The following RPL17 variants were observed in gnomAD, a reference collection of about 807,000 sequenced individuals.
The protein encoded by RPL17 is large ribosomal subunit protein uL22.
Under a neutral mutation model 27.7 loss-of-function variants are expected in RPL17, and 2 were observed. The ratio of observed to expected loss-of-function variants is 0.07; its 90% CI spans 0.03 to 0.23. RPL17 has a LOEUF of 0.23. Among genes scored for constraint, RPL17 ranks in the 10% least tolerant of loss-of-function variants. The pLI, the probability that RPL17 is intolerant of heterozygous loss-of-function variation, is 1.00. For synonymous variants in RPL17, 76 were observed against 75.5 expected (o/e 1.01, Z -0.03); for missense variants, 141 against 238.8 (o/e 0.59, Z 2.70).
chr18:49,492,154 T>A (rs1568505544), intron 1 of RPL17: 1 of 159,458 alleles, frequency 6.3e-6, no homozygotes, highest in Non-Finnish European at 1.4e-5. Context: ...ACCTCCGGAG[T>A]CCGCACGGAC....
At chr18:49,490,655 T>G in intron 4 of RPL17, 103 bp from the exon 5 acceptor site, 1 of 1,590,668 alleles carries the variant, frequency 6.3e-7, no homozygotes, top group Admixed American at 1.7e-5. Flanking sequence ...TATGGTTTAT[T>G]TCACCATCAA....
chr18:49,490,645 T>G, intron 4 of RPL17, 93 bp from the exon 5 acceptor site: 1 of 1,595,352 alleles, frequency 6.3e-7, no homozygotes, highest in South Asian at 1.1e-5. Context: ...TTTCTTAGGA[T>G]ATGGTTTATT....
At chr18:49,488,700 A>G in intron 6 of RPL17, 134 bp from the exon 7 acceptor site, 1 of 638,164 alleles carries the variant, frequency 1.6e-6, no homozygotes, top group Non-Finnish European at 2.9e-6. Flanking sequence ...GTAGAAATCA[A>G]CAGAACTTAA....
Position 49,491,556 on chromosome 18 carries a change from G to T in RPL17, c.16C>A (p.Leu6Ile). Reference sequence around the variant, plus strand: ...CATTTCGTGGGGTTCTCCGGGTCAAGTGAATAGCGAACCATTTTCACAGAT... The same window carrying T: ...CATTTCGTGGGGTTCTCCGGGTCAATTGAATAGCGAACCATTTTCACAGAT... Reference protein sequence around the residue: MVRYSLDPENPTKSCK... With the variant: MVRYSIDPENPTKSCK... The change falls in exon 2 of 7, where the codon CTT becomes ATT. Residue 6 changes from leucine to isoleucine, a missense_variant. This residue lies in a region of RPL17 where 107 missense variants were observed against 150.1 expected (regional missense o/e 0.71). Coordinates refer to ENST00000580261, the MANE Select transcript of RPL17 (RefSeq NM_001035006.5). 6.2e-7 allele frequency: 1 copy of T among 1,614,218 alleles called. No individual in the cohort carries two copies.
intron 5 of RPL17, among the ~76,000 whole-genome samples, chr18:49,489,964 A>T (rs1742170848): frequency 6.6e-6 from 1 of 152,232 alleles, no homozygotes; most frequent in African/African-American, 2.4e-5. Context: ...TGGGTAATAT[A>T]CAAAATGGAG....
At chr18:49,491,654 G>A (rs1490745759) in intron 1 of RPL17, 70 bp from the exon 2 acceptor site, 1 of 1,546,032 alleles carries the variant, frequency 6.5e-7, no homozygotes, top group Non-Finnish European at 8.9e-7. Flanking sequence ...AATATCAGAT[G>A]ATTCGAACAG....
chr18:49,489,600 A>C (rs924219133), intron 5 of RPL17, 50 bp from the exon 6 acceptor site: 3 of 1,556,758 alleles, frequency 1.9e-6, no homozygotes, highest in Admixed American at 1.7e-5. Context: ...TTAATTAGTA[A>C]AACACCACAA....
intron 5 of RPL17, among the ~76,000 whole-genome samples, chr18:49,489,829 G>T (rs1359519365): frequency 6.6e-6 from 1 of 152,128 alleles, no homozygotes; most frequent in East Asian, 1.9e-4. Context: ...AGAGCTGAGG[G>T]GTAAGGAAGA....
intron 3 of RPL17, chr18:49,491,182 G>A (rs1568503731): frequency 1.1e-6 from 1 of 909,282 alleles, no homozygotes; most frequent in Admixed American, 1.8e-5. Flanking sequence ...GCCCCATCTT[G>A]ATCTGCACAC....
Position 49,490,607 on chromosome 18 carries a change from G to A in RPL17, c.217-55C>T, listed in dbSNP as rs143415144. The A allele has an allele frequency of 3.3e-4, 533 of 1,609,580 alleles. 2 individuals are homozygous for A. The African/African-American group carries it at 6.2e-3, about 19-fold the overall frequency. Reference sequence around the variant, plus strand: ...TTCCTTGATTTAAATTAACATTACAGCCAAGATGAATTTATCTGATATCAC... The same window carrying A: ...TTCCTTGATTTAAATTAACATTACAACCAAGATGAATTTATCTGATATCAC... On this transcript the variant is annotated intron_variant, in intron 4 of 6. Coordinates refer to ENST00000580261, the MANE Select transcript of RPL17 (RefSeq NM_001035006.5).
intron 5 of RPL17, chr18:49,490,133 C>A: frequency 3.5e-6 from 1 of 282,492 alleles, no homozygotes; most frequent in Non-Finnish European, 6.7e-6. Context: ...AATCATACTA[C>A]CAAAGGTGTA....
At chr18:49,492,057 TGTA>T (rs2084147803) in intron 1 of RPL17, 1 of 258,754 alleles carries the variant, frequency 3.9e-6, no homozygotes, top group Middle Eastern at 1.5e-3. Flanking sequence ...GCAACACTCT[TGTA>T]GTAACGTGTT....
At chr18:49,491,036 C>T (rs570430539) in intron 3 of RPL17, 109 bp from the exon 4 acceptor site, 1 of 1,538,456 alleles carries the variant, frequency 6.5e-7, no homozygotes, top group Admixed American at 1.9e-5. Flanking sequence ...TATTTCTATT[C>T]TTTGGGGGCA....
chr18:49,490,723 C>T (rs2084007291), intron 4 of RPL17, 70 bp downstream of exon 4: 1 of 1,607,818 alleles, frequency 6.2e-7, no homozygotes, highest in Non-Finnish European at 8.5e-7. Context: ...CAGATCTTAG[C>T]CATTCTTATC....
At chr18:49,490,169 T>A in intron 5 of RPL17, 1 of 347,448 alleles carries the variant, frequency 2.9e-6, no homozygotes, top group Non-Finnish European at 5.3e-6. Context: ...TAAAAGCCCC[T>A]GGTAAAGTAC....
chr18:49,488,921 C>T (rs1278790565), intron 6 of RPL17, among the ~76,000 whole-genome samples: 1 of 148,356 alleles, frequency 6.7e-6, no homozygotes, highest in Non-Finnish European at 1.5e-5. Context: ...TTTTTTGAGA[C>T]AGCGTCTCGC....
chr18:49,491,391 T>C lies in RPL17; in HGVS notation c.81+14A>G. 1 of 1,614,214 alleles carries C rather than the reference T, an allele frequency of 6.2e-7. No individual in the cohort carries two copies. The highest frequency in any genetic ancestry group is 8.5e-7 in the Non-Finnish European group (1 of 1,180,044). On this transcript the variant is annotated intron_variant, in intron 3 of 6. Coordinates refer to ENST00000580261, the MANE Select transcript of RPL17 (RefSeq NM_001035006.5). The stretch of plus-strand genomic sequence containing the variant: ...ACATGAGGAACTGTTGGATCACAAC[T>C]ATGAATCGCATACCTTAAAGTGAAC...
chr18:49,492,292 G>A (rs1352463269), intron 1 of RPL17, 166 bp downstream of exon 1: 4 of 152,758 alleles, frequency 2.6e-5, no homozygotes, highest in African/African-American at 9.7e-5. Context: ...CCCAAAGTCA[G>A]GCCCTCCGCC....
chr18:49,491,738 TC>T, intron 1 of RPL17, 154 bp from the exon 2 acceptor site: 2 of 1,006,374 alleles, frequency 2.0e-6, no homozygotes, highest in Non-Finnish European at 3.2e-6. Flanking sequence ...AGCCATACTT[TC>T]CCCCACCAAG....
Sources: allele counts gnomAD v4.1 joint callset (sites outside exome capture counted in the v4.1 genomes callset), GRCh38; gene constraint gnomAD v4.1.1; regional missense constraint gnomAD v4.1.1; transcripts MANE v1.5; gene names NCBI Gene and HGNC (gene_info 2026-07-23, HGNC 2026-07-21).